NECTIN1: variants seen among roughly 807,000 people sequenced by gnomAD.
NECTIN1 encodes nectin-1.
NECTIN1 carries 23 observed loss-of-function variants against 48.0 expected under a neutral mutation model. The ratio of observed to expected loss-of-function variants is 0.48; its 90% CI spans 0.34 to 0.68. NECTIN1 has a LOEUF of 0.68. Among genes scored for constraint, NECTIN1 ranks in the 30% least tolerant of loss-of-function variants. NECTIN1 has a pLI of 0.01. For missense variants in NECTIN1, 591 were observed against 709.9 expected (o/e 0.83, Z 1.90); for synonymous variants, 270 against 288.9 (o/e 0.93, Z 0.66).
chr11:119,668,715 TCCATTAATCACA>T (rs1005151366), intron 5 of NECTIN1, among the ~76,000 whole-genome samples: 1 of 152,240 alleles, frequency 6.6e-6, no homozygotes, highest in Admixed American at 6.5e-5. Flanking sequence ...CTAAGGTCAT[TCCATTAATCACA>T]TACTGACATA....
intron 5 of NECTIN1, among the ~76,000 whole-genome samples, chr11:119,644,445 C>T (rs1864368141): frequency 6.6e-6 from 1 of 152,184 alleles, no homozygotes; most frequent in Admixed American, 6.5e-5. Context: ...CCCCAGGCTT[C>T]CCTCAGGGTG....
At chr11:119,680,193 C>T (rs1417498938) in intron 1 of NECTIN1, among the ~76,000 whole-genome samples, 1 of 152,112 alleles carries the variant, frequency 6.6e-6, no homozygotes, top group Non-Finnish European at 1.5e-5. Flanking sequence ...TTTTGGGCTT[C>T]CTTACCCCTG....
In NECTIN1 at chr11:119,684,585, G is replaced by A. The variant is rs1367121625; in HGVS notation, c.80-5820C>T. Reference sequence around the variant, plus strand: ...GTAAGTGGGAGTGACTCACCCACTGGGAGGGGCAGGGCCTCCATCTGAAAC... The same window carrying A: ...GTAAGTGGGAGTGACTCACCCACTGAGAGGGGCAGGGCCTCCATCTGAAAC... On this transcript the variant is annotated intron_variant, in intron 1 of 5. Coordinates refer to ENST00000264025, the MANE Select transcript of NECTIN1 (RefSeq NM_002855.5). This position sits in a 1 kb window ranked among gnomAD's most constrained non-coding sequence, Gnocchi z 5.2. Among the ~76,000 whole-genome samples, 1 of 152,224 alleles carries A rather than the reference G, an allele frequency of 6.6e-6. No individual in the cohort carries two copies. The highest frequency in any genetic ancestry group is 1.5e-5 in the Non-Finnish European group (1 of 68,038).
intron 5 of NECTIN1, among the ~76,000 whole-genome samples, chr11:119,666,815 A>G (rs11217384): frequency 0.018 from 2,713 of 152,248 alleles, 75 homozygotes; most frequent in East Asian, 0.1. Context: ...GTGGGGTGCT[A>G]TCCCACTCGG....
chr11:119,728,671 T>C lies in NECTIN1; in HGVS notation c.-118A>G, dbSNP rs1591495099. ...TCGGCGGGCGCTCGAAGGATCCAGG[T>C]CAGCTGCAGCCGTCGGCCGGGGCGG... On this transcript the variant is annotated 5_prime_UTR_variant, in exon 1 of 6. Transcript: ENST00000264025. 1 of 179,256 alleles carries C rather than the reference T, an allele frequency of 5.6e-6. No individual in the cohort carries two copies. The highest frequency in any genetic ancestry group is 1.1e-5 in the Non-Finnish European group (1 of 88,924). The allele number at this position is 179,256 out of a possible 1,614,324, so 11.1% of individuals were successfully genotyped here. A position where few individuals can be genotyped will look rare whatever the true frequency, so the allele number is the denominator to read the frequency against.
intron 5 of NECTIN1, among the ~76,000 whole-genome samples, chr11:119,654,901 T>C (rs554759263): frequency 1.1e-3 from 161 of 151,828 alleles, no homozygotes; most frequent in African/African-American, 3.8e-3. Flanking sequence ...GACTTACATT[T>C]ATTTTTTATT....
At position 119,677,899 on chromosome 11, in the gene NECTIN1, C is replaced by G; in HGVS notation, c.431-42G>C. On this transcript the variant is annotated intron_variant, in intron 2 of 5. Coordinates refer to ENST00000264025, the MANE Select transcript of NECTIN1 (RefSeq NM_002855.5). This position sits in a 1 kb window ranked among gnomAD's most constrained non-coding sequence, Gnocchi z 5.4. Reference sequence around the variant, plus strand: ...AGAGTGATGGGACTAGCCCTGTTGACTTGTCCAAGATGCACCGGCCAAAAG... The same window carrying G: ...AGAGTGATGGGACTAGCCCTGTTGAGTTGTCCAAGATGCACCGGCCAAAAG... The G allele has an allele frequency of 1.3e-6, 2 of 1,599,700 alleles. No individual in the cohort carries two copies. Among genetic ancestry groups the G allele is most frequent in the Non-Finnish European group, 1.7e-6 (2 of 1,169,150 alleles).
At chr11:119,657,329 G>C (rs1395494864), downstream of NECTIN1, among the ~76,000 whole-genome samples, 1 of 152,078 alleles carries the variant, frequency 6.6e-6, no homozygotes, top group Non-Finnish European at 1.5e-5. Flanking sequence ...AAATACGCCT[G>C]TTAGGGCCAG....
At chr11:119,719,878 G>C (rs191100552) in intron 1 of NECTIN1, among the ~76,000 whole-genome samples, 2 of 152,306 alleles carry the variant, frequency 1.3e-5, no homozygotes, top group East Asian at 3.9e-4. Flanking sequence ...CTTAGCTTGC[G>C]GGGGGAGCGG....
chr11:119,665,457 T>A lies in NECTIN1; in HGVS notation c.1004-160A>T, dbSNP rs889500050. On this transcript the variant is annotated intron_variant, in intron 5 of 5. Coordinates refer to ENST00000264025, the MANE Select transcript of NECTIN1 (RefSeq NM_002855.5). The surrounding 1 kb of genome is among the most constrained non-coding windows in gnomAD (Gnocchi z 5.1). ...TCGAGGCCCCGCAGCACTCCACCCA[T>A]CCTGGAGCCCTAACATGCCGCAGCG... is the stretch of plus-strand genomic sequence containing the variant. Among the ~76,000 whole-genome samples the A allele has an allele frequency of 1.3e-5, 2 of 152,094 alleles. No individual in the cohort carries two copies. The highest frequency in any genetic ancestry group is 4.8e-5 in the African/African-American group (2 of 41,390).
exon 8 of NECTIN1, chr11:119,638,244 C>A: frequency 6.2e-7 from 1 of 1,613,996 alleles, no homozygotes; most frequent in South Asian, 1.1e-5. Context: ...TCCAGGTGGA[C>A]AACCTGGAAG....
chr11:119,644,229 G>C (rs1030920445), intron 5 of NECTIN1, among the ~76,000 whole-genome samples: 1 of 152,208 alleles, frequency 6.6e-6, no homozygotes, highest in East Asian at 1.9e-4. Flanking sequence ...CCATGGTTAG[G>C]GGGTAAACAC....
intron 1 of NECTIN1, among the ~76,000 whole-genome samples, chr11:119,702,467 T>C (rs1865474228): frequency 6.6e-6 from 1 of 152,246 alleles, no homozygotes; most frequent in African/African-American, 2.4e-5. Flanking sequence ...TGTGTACTGC[T>C]AGGCTAACTC....
intron 1 of NECTIN1, among the ~76,000 whole-genome samples, chr11:119,679,511 A>T (rs1865023344): frequency 6.6e-6 from 1 of 152,130 alleles, no homozygotes; most frequent in Non-Finnish European, 1.5e-5. Context: ...CATGGCCTTC[A>T]CAGCCAAATG....
chr11:119,713,637 T>C (rs4533047), intron 1 of NECTIN1: 308,796 of 318,510 alleles, frequency 0.97, 149,753 homozygotes, highest in South Asian at 0.98. Context: ...ACCGCTACTC[T>C]CAGCCTTGGG....
chr11:119,647,426 GGA>G (rs778527251), intron 5 of NECTIN1, among the ~76,000 whole-genome samples: 6 of 151,988 alleles, frequency 3.9e-5, no homozygotes, highest in Non-Finnish European at 7.4e-5. Context: ...AGGCCCAGCT[GGA>G]GAGAGTTACT....
chr11:119,660,740 G>A (rs1864648844), downstream of NECTIN1, among the ~76,000 whole-genome samples: 1 of 152,160 alleles, frequency 6.6e-6, no homozygotes, highest in Non-Finnish European at 1.5e-5. Context: ...TCCCTCCTGT[G>A]TCTGTGGACG....
At chr11:119,722,354 G>A (rs1865845629) in intron 1 of NECTIN1, among the ~76,000 whole-genome samples, 1 of 152,232 alleles carries the variant, frequency 6.6e-6, no homozygotes, top group Non-Finnish European at 1.5e-5. Context: ...AGAAGGAGGT[G>A]ACCCCAGCAG....
chr11:119,677,538 C>T lies in NECTIN1; in HGVS notation c.733+17G>A. 1 of 1,612,322 alleles carries T rather than the reference C, an allele frequency of 6.2e-7. No homozygotes were observed. Among genetic ancestry groups the T allele is most frequent in the East Asian group, 2.2e-5 (1 of 44,870 alleles). ...GGCGCCCACCCCAGGAGGCCCCTGG[C>T]AGCCAGCCCTGCTCACACTGCACGT... On this transcript the variant is annotated intron_variant, in intron 3 of 5. Coordinates refer to ENST00000264025, the MANE Select transcript of NECTIN1 (RefSeq NM_002855.5). This position sits in a 1 kb window ranked among gnomAD's most constrained non-coding sequence, Gnocchi z 5.4.
Sources: allele counts gnomAD v4.1 joint callset (sites outside exome capture counted in the v4.1 genomes callset), GRCh38; gene constraint gnomAD v4.1.1; non-coding constraint Gnocchi (gnomAD v3.1); transcripts MANE v1.5; gene names NCBI Gene and HGNC (gene_info 2026-07-23, HGNC 2026-07-21).